The following CFAP46 variants were observed in gnomAD, a reference collection of about 807,000 sequenced individuals.
The protein encoded by CFAP46 is cilia- and flagella-associated protein 46.
In CFAP46, 245 loss-of-function variants were observed where a neutral mutation model predicts 325.7. The ratio of observed to expected loss-of-function variants is 0.75; its 90% confidence interval spans 0.68 to 0.84. The LOEUF (loss-of-function observed/expected upper bound fraction) is 0.84. Ranked by LOEUF, CFAP46 falls within the 40% of genes least tolerant of loss-of-function variation. The probability of loss-of-function intolerance (pLI) is 0.00; values close to 1 mark genes in which losing one functional copy is unlikely to be tolerated. For missense variants in CFAP46, 3,346 were observed against 3,543.0 expected, an observed-to-expected ratio of 0.94 and a Z score of 1.41; for synonymous variants, 1,523 against 1,495.9, an observed-to-expected ratio of 1.02 and a Z score of -0.42.
At chr10:132,824,335 G>A (rs1445991370) in intron 50 of CFAP46, among the ~76,000 whole-genome samples, 3 of 131,210 alleles carry the variant, frequency 2.3e-5, no homozygotes, top group Non-Finnish European at 4.9e-5. Flanking sequence ...TGCTGTGTGT[G>A]TGCTGTGTGC....
intron 22 of CFAP46, among the ~76,000 whole-genome samples, chr10:132,907,466 G>A (rs1031363625): frequency 5.3e-5 from 8 of 152,226 alleles, no homozygotes; most frequent in Admixed American, 1.3e-4. Flanking sequence ...CTGGCGGCAC[G>A]GCTGACTCTG....
chr10:132,887,697 T>A, intron 25 of CFAP46, among the ~76,000 whole-genome samples: 1 of 93,110 alleles, frequency 1.1e-5, no homozygotes, highest in African/African-American at 6.4e-5. Context: ...CTCTCTCTCC[T>A]CTCCTCTCTC....
chr10:132,848,959 A>C (rs868751672), intron 41 of CFAP46, among the ~76,000 whole-genome samples: 2 of 152,250 alleles, frequency 1.3e-5, no homozygotes, highest in South Asian at 4.1e-4. Flanking sequence ...TACAGCCTTG[A>C]ATACAAGAAA....
At position 132,880,868 on chromosome 10, in the gene CFAP46, C is replaced by A; in HGVS notation, c.3792G>T (p.Thr1264=). 1.3e-6 allele frequency: 2 copies of A among 1,547,688 alleles called. No homozygotes were observed. Among genetic ancestry groups the A allele is most frequent in the East Asian group, 2.4e-5 (1 of 40,906 alleles). ...PPGDVPEPQP[T]PDGEYVAVEM... ...CCAGCGGCGTGGGCTCACCATCCGG[C>A]GTGGGCTGTGGCTCAGGGACATCGC... The change falls in exon 28 of 58, where the codon ACG becomes ACT. Residue 1264 remains threonine, a synonymous_variant. Transcript: ENST00000368586.
rs377364117 is a variant in CFAP46, at chr10:132,922,086, G to A, written c.1606+18C>T. The A allele has an allele frequency of 2.1e-5, 33 of 1,548,330 alleles. No individual in the cohort carries two copies. Among genetic ancestry groups the A allele is most frequent in the South Asian group, 6.0e-5 (5 of 83,936 alleles). ...AGGTGGACCGTTCTGGGCTGGGAGA[G>A]CCCAGTGCAGAGCTCACCTTTGGCC... On this transcript the variant is annotated intron_variant, in intron 13 of 57. Coordinates refer to ENST00000368586, the MANE Select transcript of CFAP46 (RefSeq NM_001200049.3).
intron 8 of CFAP46, 110 bp downstream of exon 8, chr10:132,934,642 G>A: frequency 2.8e-6 from 2 of 725,266 alleles, no homozygotes; most frequent in Non-Finnish European, 4.7e-6. Context: ...GCTGGCTTTT[G>A]CAAAGGTGGT....
chr10:132,908,579 G>A lies in CFAP46; in HGVS notation c.2813C>T (p.Thr938Ile). Residue 938 changes from threonine to isoleucine, a missense_variant, in exon 22 of 58, where the codon ACC becomes ATC. By Grantham distance (89) the Thr-to-Ile change is moderately conservative (BLOSUM62 -1). Coordinates refer to ENST00000368586, the MANE Select transcript of CFAP46 (RefSeq NM_001200049.3). ...GGCGAAGTGGGTCAGCCGCGTCAGGGTCTGCAGCTCCACCAGGGGGTCCGA... is the reference window on the plus strand; with the variant it reads ...GGCGAAGTGGGTCAGCCGCGTCAGGATCTGCAGCTCCACCAGGGGGTCCGA... ...NWSDPLVELQ[T>I]LTRLTHFAHA... The A allele has an allele frequency of 6.5e-7, 1 of 1,550,136 alleles. No individual in the cohort carries two copies.
chr10:132,905,711 A>ATC (rs1849447708), intron 22 of CFAP46, among the ~76,000 whole-genome samples: 1 of 152,100 alleles, frequency 6.6e-6, no homozygotes, highest in Admixed American at 6.5e-5. Flanking sequence ...TGCTCCTCTG[A>ATC]TCTCAGCCTG....
chr10:132,880,153 TG>T (rs1429135422), intron 28 of CFAP46, among the ~76,000 whole-genome samples: 1 of 152,124 alleles, frequency 6.6e-6, no homozygotes, highest in Non-Finnish European at 1.5e-5. Flanking sequence ...CCACCCTAGC[TG>T]GGCTCTGCCG....
At chr10:132,934,950 G>T in intron 7 of CFAP46, 88 bp from the exon 8 acceptor site, 1 of 890,438 alleles carries the variant, frequency 1.1e-6, no homozygotes, top group Non-Finnish European at 1.8e-6. Context: ...GTATGAAATT[G>T]TGTTTCTCAC....
chr10:132,915,598 C>T (rs576883124), intron 17 of CFAP46, among the ~76,000 whole-genome samples: 17 of 151,626 alleles, frequency 1.1e-4, no homozygotes, highest in African/African-American at 3.6e-4. Flanking sequence ...GAGGGCGGGG[C>T]GCCGTGCCCA....
chr10:132,889,903 C>T lies in CFAP46; in HGVS notation c.3304+2430G>A, dbSNP rs754276764. ...GGACGCTAAGCATTTAGCTGCCAGA[C>T]GTGGTGTGAGTATCTTCCCGTCTGT... On this transcript the variant is annotated intron_variant, in intron 25 of 57. Transcript: ENST00000368586. This position sits in a 1 kb window ranked among gnomAD's most constrained non-coding sequence, Gnocchi z 6.0. Among the ~76,000 whole-genome samples, 7 of 152,178 alleles carry T rather than the reference C, an allele frequency of 4.6e-5. No individual in the cohort carries two copies. Among genetic ancestry groups the T allele is most frequent in the South Asian group, 2.1e-4 (1 of 4,830 alleles).
At chr10:132,872,946 G>A in intron 31 of CFAP46, 122 bp from the exon 32 acceptor site, 1 of 1,136,356 alleles carries the variant, frequency 8.8e-7, no homozygotes, top group East Asian at 2.6e-5. Context: ...CACAGCAGGT[G>A]CTCAGCGCGT....
chr10:132,925,786 G>A (rs1591095168), intron 10 of CFAP46, among the ~76,000 whole-genome samples: 1 of 152,234 alleles, frequency 6.6e-6, no homozygotes, highest in African/African-American at 2.4e-5. Flanking sequence ...GAGGATGGAT[G>A]CGTTAGGAGT....
intron 24 of CFAP46, among the ~76,000 whole-genome samples, chr10:132,898,296 C>T (rs1225084465): frequency 2.0e-5 from 3 of 152,222 alleles, no homozygotes; most frequent in Non-Finnish European, 4.4e-5. Context: ...GCTCAGGAAG[C>T]CCAGTCCACA....
chr10:132,915,424 A>G (rs1849621595), intron 17 of CFAP46, among the ~76,000 whole-genome samples: 1 of 152,284 alleles, frequency 6.6e-6, no homozygotes, highest in African/African-American at 2.4e-5. Context: ...GGCCACCTGC[A>G]GCCGTCATCG....
intron 44 of CFAP46, among the ~76,000 whole-genome samples, chr10:132,842,051 T>G (rs910113452): frequency 6.6e-6 from 1 of 152,362 alleles, no homozygotes; most frequent in South Asian, 2.1e-4. Flanking sequence ...CACCTTTCAC[T>G]CTTTACGTGG....
At position 132,869,324 on chromosome 10, in the gene CFAP46, G is replaced by A. The variant is rs1021220368; in HGVS notation, c.4560C>T (p.Arg1520=). 8 of 1,539,050 alleles carry A rather than the reference G, an allele frequency of 5.2e-6. No individual in the cohort carries two copies. The African/African-American group carries it at 1.1e-4, about 21-fold the overall frequency. ...SELKLREAAA[R]HEEAVGQVCV... is the part of the protein sequence containing the mutation. ...ACACCTGCCCGACCGCCTCTTCATG[G>A]CGCGCGGCTGCTTCTCTCAGCTTCA... Residue 1520 remains arginine, a synonymous_variant, in exon 33 of 58, where the codon CGC becomes CGT. Transcript: ENST00000368586. The surrounding 1 kb of genome is among the most constrained non-coding windows in gnomAD (Gnocchi z 6.2).
intron 44 of CFAP46, among the ~76,000 whole-genome samples, 189 bp downstream of exon 44, chr10:132,845,868 A>G (rs771197928): frequency 1.3e-5 from 2 of 152,184 alleles, no homozygotes; most frequent in Non-Finnish European, 2.9e-5. Context: ...TACCCCCACA[A>G]GGACCAGGGG....
Sources: gnomAD v4.1 joint callset for allele counts (sites outside exome capture counted in the v4.1 genomes callset) on GRCh38, gnomAD v4.1.1 for gene constraint, Gnocchi (gnomAD v3.1) non-coding constraint, MANE v1.5 for transcripts, NCBI Gene and HGNC (gene_info 2026-07-23, HGNC 2026-07-21) for gene names.